Variants in RGS6 observed in about 807,000 individuals in gnomAD.
RGS6 encodes the protein regulator of G protein signaling 6, also known as regulator of G-protein signaling 6.
A neutral mutation model predicts 78.5 loss-of-function variants in RGS6; 30 were observed. That is an observed-to-expected ratio of 0.38 (90% CI 0.29 to 0.52). The LOEUF is 0.52. Among genes scored for constraint, RGS6 ranks in the 20% least tolerant of loss-of-function variants. RGS6 has a pLI of 0.85. For synonymous variants in RGS6, 206 were observed against 206.0 expected (o/e 1.00, Z 0.00); for missense variants, 495 against 609.7 (o/e 0.81, Z 1.98).
intron 2 of RGS6, among the ~76,000 whole-genome samples, chr14:71,988,681 C>T (rs2094826204): frequency 6.6e-6 from 1 of 151,828 alleles, no homozygotes; most frequent in African/African-American, 2.4e-5. Context: ...CTTCTGTTTT[C>T]GGAGATTTGA....
At chr14:72,398,282 G>A (rs1228205367) in intron 3 of RGS6, among the ~76,000 whole-genome samples, 1 of 152,202 alleles carries the variant, frequency 6.6e-6, no homozygotes, top group South Asian at 2.1e-4. Context: ...AGTCTTGGGA[G>A]AGTGTATGTG....
At chr14:72,142,307 G>T in intron 2 of RGS6, among the ~76,000 whole-genome samples, 1 of 150,354 alleles carries the variant, frequency 6.7e-6, no homozygotes, top group African/African-American at 2.5e-5. Flanking sequence ...TGGTCATAAA[G>T]TGATTAAAAA....
chr14:72,511,393 T>C (rs1259383039), intron 14 of RGS6, among the ~76,000 whole-genome samples: 1 of 152,234 alleles, frequency 6.6e-6, no homozygotes, highest in East Asian at 1.9e-4. Flanking sequence ...GTCAATCAAG[T>C]GATATTTATG....
intron 1 of RGS6, among the ~76,000 whole-genome samples, chr14:71,942,755 C>A (rs1156943565): frequency 1.3e-5 from 2 of 152,112 alleles, no homozygotes; most frequent in Non-Finnish European, 2.9e-5. Context: ...GAAAATATAT[C>A]TTTTCCTTCT....
the RGS6 span, among the ~76,000 whole-genome samples, chr14:71,885,825 T>C: frequency 5.3e-5 from 8 of 152,176 alleles, no homozygotes; most frequent in African/African-American, 1.9e-4. Context: ...CCATATAGTG[T>C]CTCTCTCTGT....
At chr14:71,911,515 A>G in the RGS6 span, among the ~76,000 whole-genome samples, 1 of 152,180 alleles carries the variant, frequency 6.6e-6, no homozygotes, top group Non-Finnish European at 1.5e-5. Flanking sequence ...GGGTAGACTA[A>G]TTATCCTACC....
chr14:72,290,927 G>T (rs181575546), intron 2 of RGS6, among the ~76,000 whole-genome samples: 45 of 152,158 alleles, frequency 3.0e-4, no homozygotes, highest in Non-Finnish European at 5.1e-4. Context: ...CAGAATCTAG[G>T]GATCCAGACT....
At chr14:72,547,279 G>A (rs1284095156) in intron 17 of RGS6, 2 of 1,535,662 alleles carry the variant, frequency 1.3e-6, no homozygotes, top group Non-Finnish European at 1.7e-6. Flanking sequence ...CGGTCAAGGA[G>A]AGGAGACCCA....
intron 1 of RGS6, among the ~76,000 whole-genome samples, chr14:71,938,123 A>G (rs1807493401): frequency 6.6e-6 from 1 of 152,170 alleles, no homozygotes; most frequent in African/African-American, 2.4e-5. Flanking sequence ...CCTGATTATT[A>G]AACTCCTCCT....
At chr14:72,009,860 G>C (rs1343820502) in intron 2 of RGS6, among the ~76,000 whole-genome samples, 2 of 152,226 alleles carry the variant, frequency 1.3e-5, no homozygotes, top group Non-Finnish European at 2.9e-5. Context: ...TTTGTTGAGT[G>C]ACTTGACACT....
At chr14:72,419,114 A>G (rs2094015452) in intron 3 of RGS6, among the ~76,000 whole-genome samples, 1 of 152,196 alleles carries the variant, frequency 6.6e-6, no homozygotes, top group Non-Finnish European at 1.5e-5. Context: ...GGATAAACAC[A>G]AGGGGATATT....
chr14:72,490,016 G>T (rs949090560), intron 12 of RGS6, among the ~76,000 whole-genome samples: 1 of 152,166 alleles, frequency 6.6e-6, no homozygotes, highest in Non-Finnish European at 1.5e-5. Context: ...TCCTGCCATA[G>T]TGCTTTCTTA....
chr14:72,169,316 T>A (rs2153679291), intron 2 of RGS6, among the ~76,000 whole-genome samples: 1 of 152,194 alleles, frequency 6.6e-6, no homozygotes, highest in South Asian at 2.1e-4. Context: ...GTAAGCTCTG[T>A]GGAATTACAA....
In RGS6 at chr14:72,563,066, C is replaced by T. The variant is rs998573888; in HGVS notation, c.*599C>T. 23 of 425,734 alleles carry T rather than the reference C, an allele frequency of 5.4e-5. No homozygotes were observed. The East Asian group carries it at 6.1e-4, about 11-fold the overall frequency. 26.4% of individuals were successfully genotyped at this position (425,734 alleles called of 1,614,324 possible). A position where few individuals can be genotyped will look rare whatever the true frequency, so the allele number is the denominator to read the frequency against. On this transcript the variant is annotated 3_prime_UTR_variant, in exon 18 of 18. Transcript: ENST00000553525. Reference sequence around the variant, plus strand: ...CATCTTCAGCAAGAAAGCAACCTCACGGATTGCCCCGCCTCAAGGTCTTTC... The same window carrying T: ...CATCTTCAGCAAGAAAGCAACCTCATGGATTGCCCCGCCTCAAGGTCTTTC...
intron 2 of RGS6, among the ~76,000 whole-genome samples, chr14:71,981,834 G>T (rs1350452935): frequency 6.7e-6 from 1 of 148,694 alleles, no homozygotes; most frequent in Non-Finnish European, 1.5e-5. Flanking sequence ...CTTCCCGGCT[G>T]CTTTGTTTAC....
chr14:71,972,145 T>C (rs2093850507), intron 2 of RGS6, among the ~76,000 whole-genome samples: 1 of 152,046 alleles, frequency 6.6e-6, no homozygotes, highest in Non-Finnish European at 1.5e-5. Context: ...CCTAATGCTA[T>C]CCCTCCCCCA....
chr14:71,924,235 C>T, the RGS6 span, among the ~76,000 whole-genome samples: 1 of 151,362 alleles, frequency 6.6e-6, no homozygotes, highest in African/African-American at 2.4e-5. Context: ...TGTAGCGATG[C>T]GGTATTGCTA....
At chr14:72,109,352 G>C (rs1030041567) in intron 2 of RGS6, among the ~76,000 whole-genome samples, 1 of 152,112 alleles carries the variant, frequency 6.6e-6, no homozygotes, top group Non-Finnish European at 1.5e-5. Flanking sequence ...TCATTGCTCT[G>C]TCTTTCGACA....
At chr14:71,958,811 A>G (rs1300523130) in intron 1 of RGS6, among the ~76,000 whole-genome samples, 2 of 152,106 alleles carry the variant, frequency 1.3e-5, no homozygotes, top group African/African-American at 4.8e-5. Flanking sequence ...TTAATCTGTA[A>G]ATCTCCAGGG....
Sources: gnomAD v4.1 joint callset for allele counts (sites outside exome capture counted in the v4.1 genomes callset) on GRCh38, gnomAD v4.1.1 for gene constraint, MANE v1.5 for transcripts, NCBI Gene and HGNC (gene_info 2026-07-23, HGNC 2026-07-21) for gene names.